PJA2: variants seen among roughly 807,000 people sequenced by gnomAD.
PJA2 encodes E3 ubiquitin-protein ligase Praja-2.
A neutral mutation model predicts 69.3 loss-of-function variants in PJA2; 25 were observed. The observed-to-expected ratio is 0.36, with a 90% CI of 0.26 to 0.50. The LOEUF (loss-of-function observed/expected upper bound fraction) is 0.50, where lower values mean the gene tolerates loss of function less well. PJA2 is among the 20% of genes least tolerant of loss of function. The pLI is 0.96. For synonymous variants in PJA2, 308 were observed against 277.8 expected (o/e 1.11, Z -1.08); for missense variants, 809 against 830.2 (o/e 0.97, Z 0.31).
chr5:109,363,035 T>A lies in PJA2; in HGVS notation c.1470-13A>T. ...GGATGTCTGTTCCCTAGTACAAACA[T>A]TTTAAAGGAAGAAAAAAATATTATT... On this transcript the variant is annotated splice_polypyrimidine_tract_variant and intron_variant, in intron 5 of 9. Coordinates refer to ENST00000361189, the MANE Select transcript of PJA2 (RefSeq NM_014819.5). 1 of 1,549,258 alleles carries A rather than the reference T, an allele frequency of 6.5e-7. No homozygotes were observed. The highest frequency in any genetic ancestry group is 8.8e-7 in the Non-Finnish European group (1 of 1,139,334).
At chr5:109,386,098 T>G (rs1442245069) in intron 1 of PJA2, among the ~76,000 whole-genome samples, 1 of 151,474 alleles carries the variant, frequency 6.6e-6, no homozygotes, top group Non-Finnish European at 1.5e-5. Context: ...AGCAATCACC[T>G]GAGGTCAGTG....
chr5:109,351,970 A>G (rs1004434787), intron 7 of PJA2, among the ~76,000 whole-genome samples: 1 of 152,194 alleles, frequency 6.6e-6, no homozygotes, highest in African/African-American at 2.4e-5. Context: ...AGTGACAGGA[A>G]GACAACTGTA....
chr5:109,359,578 T>C (rs762754401), intron 6 of PJA2, among the ~76,000 whole-genome samples: 1 of 152,166 alleles, frequency 6.6e-6, no homozygotes, highest in African/African-American at 2.4e-5. Flanking sequence ...CTCAAATCTA[T>C]TCATGACAGA....
chr5:109,398,164 A>G lies in PJA2; in HGVS notation c.-88+11678T>C, dbSNP rs141987253. Among the ~76,000 whole-genome samples, 562 of 152,308 alleles carry G rather than the reference A, an allele frequency of 3.7e-3. 1 individual carries two copies. The highest frequency in any genetic ancestry group is 0.013 in the African/African-American group (531 of 41,580). ...AAAGTCAGGAAACAACAGGTGCTGGAGAGGATGTGGAGAAATAGGAACACT... is the reference window on the plus strand; with the variant it reads ...AAAGTCAGGAAACAACAGGTGCTGGGGAGGATGTGGAGAAATAGGAACACT... On this transcript the variant is annotated intron_variant, in intron 1 of 9. Transcript: ENST00000361189.
At chr5:109,360,650 C>T (rs1337918643) in intron 6 of PJA2, among the ~76,000 whole-genome samples, 3 of 152,018 alleles carry the variant, frequency 2.0e-5, no homozygotes, top group South Asian at 2.1e-4. Flanking sequence ...ATAGAGCAAC[C>T]TTCAAAATTT....
intron 5 of PJA2, 90 bp downstream of exon 5, chr5:109,368,471 A>T (rs1404077356): frequency 1.5e-5 from 18 of 1,204,946 alleles, no homozygotes; most frequent in African/African-American, 4.6e-5. Context: ...AAGGCTTATA[A>T]ATACAATTAA....
chr5:109,367,257 T>C (rs1762600621), intron 5 of PJA2, among the ~76,000 whole-genome samples: 1 of 150,942 alleles, frequency 6.6e-6, no homozygotes, highest in South Asian at 2.1e-4. Flanking sequence ...ATTATGTTTG[T>C]GAATTTCTTT....
At chr5:109,345,301 A>G (rs936788714) in intron 7 of PJA2, among the ~76,000 whole-genome samples, 4 of 151,264 alleles carry the variant, frequency 2.6e-5, no homozygotes, top group Non-Finnish European at 4.4e-5. Context: ...GGTTGTAATG[A>G]GCCGAGATCA....
intron 1 of PJA2, among the ~76,000 whole-genome samples, chr5:109,393,230 T>C (rs917885446): frequency 2.0e-5 from 3 of 152,086 alleles, no homozygotes; most frequent in Non-Finnish European, 4.4e-5. Context: ...AAGAAACATA[T>C]GAAAAGGTAT....
At chr5:109,360,906 T>C (rs1762493831) in intron 6 of PJA2, among the ~76,000 whole-genome samples, 1 of 152,102 alleles carries the variant, frequency 6.6e-6, no homozygotes, top group Non-Finnish European at 1.5e-5. Flanking sequence ...GGAGGGTGGA[T>C]CACTTGAGGT....
In PJA2 at chr5:109,379,146, T is replaced by C; in HGVS notation, c.341A>G (p.Glu114Gly). ...TCGSALNQTT[E>G]SSQSFVAVHH... ...TACTGCAACAAAGGATTGACTGCTC[T>C]CAGTGGTTTGATTCAATGCTGAACC... The change falls in exon 4 of 10, where the codon GAG (glutamate) becomes GGG (glycine). Residue 114 changes from glutamate (E) to glycine (G), a missense_variant. Physicochemically the swap from Glu to Gly is moderately conservative, Grantham distance 98. Transcript: ENST00000361189. 6.2e-7 allele frequency: 1 copy of C among 1,614,158 alleles called. No individual in the cohort carries two copies. The highest frequency in any genetic ancestry group is 8.5e-7 in the Non-Finnish European group (1 of 1,180,024).
chr5:109,373,936 A>C (rs1011385831), intron 4 of PJA2, among the ~76,000 whole-genome samples: 1 of 152,182 alleles, frequency 6.6e-6, no homozygotes, highest in East Asian at 1.9e-4. Flanking sequence ...ATAATTCCCC[A>C]AGGTACTTGT....
At chr5:109,392,442 T>A (rs1052434545) in intron 1 of PJA2, among the ~76,000 whole-genome samples, 1 of 151,136 alleles carries the variant, frequency 6.6e-6, no homozygotes, top group Non-Finnish European at 1.5e-5. Flanking sequence ...ACACCTGTAG[T>A]CCCAGCTACT....
rs115633082 is a variant in PJA2, at chr5:109,368,526, A to G, written c.1469+35T>C. 1,367 of 1,564,080 alleles carry G rather than the reference A, an allele frequency of 8.7e-4. 9 individuals are homozygous for G. In the African/African-American group the frequency reaches 0.017, roughly 19 times the overall value. On this transcript the variant is annotated intron_variant, in intron 5 of 9. Transcript: ENST00000361189. ...ATGTAAAATATACCACTCTTGTACAATATACAGAAAAATAAATCTCACTGT... is the reference window on the plus strand; with the variant it reads ...ATGTAAAATATACCACTCTTGTACAGTATACAGAAAAATAAATCTCACTGT...
chr5:109,334,793 C>G lies in PJA2; in HGVS notation c.*2438G>C, dbSNP rs1042685685. 5 of 152,346 alleles carry G rather than the reference C, an allele frequency of 3.3e-5. No individual in the cohort carries two copies. Among genetic ancestry groups the G allele is most frequent in the Non-Finnish European group, 7.4e-5 (5 of 67,990 alleles). 9.4% of individuals were successfully genotyped at this position (152,346 alleles called of 1,614,324 possible). A position where few individuals can be genotyped will look rare whatever the true frequency, so the allele number is the denominator to read the frequency against. The stretch of plus-strand genomic sequence containing the variant: ...TGGGCTGGGGTTATAGAACAATAAA[C>G]CAACCATTACATTTAGACCTGGGCT... On this transcript the variant is annotated 3_prime_UTR_variant, in exon 10 of 10. Coordinates refer to ENST00000361189, the MANE Select transcript of PJA2 (RefSeq NM_014819.5).
intron 5 of PJA2, among the ~76,000 whole-genome samples, chr5:109,366,038 T>C (rs1240011505): frequency 2.6e-5 from 4 of 152,224 alleles, no homozygotes; most frequent in Non-Finnish European, 5.9e-5. Flanking sequence ...CTTCTTTCTG[T>C]TCCATCCCAG....
chr5:109,350,838 T>C (rs931666510), intron 7 of PJA2, among the ~76,000 whole-genome samples: 1 of 152,128 alleles, frequency 6.6e-6, no homozygotes, highest in Non-Finnish European at 1.5e-5. Flanking sequence ...ATGTAAAGAC[T>C]TTACAAGGGG....
chr5:109,383,961 A>G (rs920645520), intron 1 of PJA2, among the ~76,000 whole-genome samples: 6 of 152,106 alleles, frequency 3.9e-5, no homozygotes, highest in Non-Finnish European at 8.8e-5. Flanking sequence ...ATACAACACA[A>G]TTTGACAAGC....
chr5:109,340,127 A>T (rs1163072383), intron 9 of PJA2, among the ~76,000 whole-genome samples: 3 of 152,196 alleles, frequency 2.0e-5, no homozygotes, highest in Non-Finnish European at 2.9e-5. Context: ...TGTAACTTGC[A>T]CCATAAGTTT....
Sources: gnomAD v4.1 joint callset for allele counts (sites outside exome capture counted in the v4.1 genomes callset) on GRCh38, gnomAD v4.1.1 for gene constraint, MANE v1.5 for transcripts, NCBI Gene and HGNC (gene_info 2026-07-23, HGNC 2026-07-21) for gene names.